ABTB2: variants seen among roughly 807,000 people sequenced by gnomAD.
The protein encoded by ABTB2 is ankyrin repeat and BTB/POZ domain-containing protein 2.
A neutral mutation model predicts 104.1 loss-of-function variants in ABTB2; 56 were observed. The ratio of observed to expected loss-of-function variants is 0.54; its 90% CI spans 0.43 to 0.67. ABTB2 has a LOEUF of 0.67. Among genes scored for constraint, ABTB2 ranks in the 30% least tolerant of loss-of-function variants. ABTB2 has a pLI of 0.00. For synonymous variants in ABTB2, 606 were observed against 608.2 expected, an observed-to-expected ratio of 1.00 and a Z score of 0.05; for missense variants, 1,279 against 1,407.7, an observed-to-expected ratio of 0.91 and a Z score of 1.46.
rs367771622 is a variant in ABTB2 at position 34,229,405 on chromosome 11, C to T, written c.884-24715G>A. On this transcript the variant is annotated intron_variant, in intron 1 of 16. Transcript: ENST00000435224. ...CTAAGGCAGGAGAATGGCGTGAACC[C>T]GGGAGGTGGAGCTTGCAGTGAGCAG... is the stretch of plus-strand genomic sequence containing the variant. Among the ~76,000 whole-genome samples, 188 of 143,934 alleles carry T rather than the reference C, an allele frequency of 1.3e-3. 2 individuals are homozygous for T. Among genetic ancestry groups the T allele is most frequent in the East Asian group, 0.011 (52 of 4,558 alleles). The allele number at this position is 143,934 out of a possible 152,430, so 94.4% of individuals were successfully genotyped here. A position where few individuals can be genotyped will look rare whatever the true frequency, so the allele number is the denominator to read the frequency against.
At chr11:34,182,957 A>G (rs1853048332) in intron 3 of ABTB2, among the ~76,000 whole-genome samples, 1 of 152,074 alleles carries the variant, frequency 6.6e-6, no homozygotes, top group African/African-American at 2.4e-5. Context: ...TGGGATATGA[A>G]CCTGGGCAGT....
chr11:34,159,546 C>T (rs754824037), intron 13 of ABTB2, among the ~76,000 whole-genome samples, 160 bp from the exon 14 acceptor site: 2 of 152,220 alleles, frequency 1.3e-5, no homozygotes, highest in Non-Finnish European at 2.9e-5. Context: ...CCATTTTACA[C>T]CATCTTAGGA....
Position 34,151,305 on chromosome 11 carries a change from AAT to A in ABTB2, c.*1080_*1081del, listed in dbSNP as rs1206707588. On this transcript the variant is annotated 3_prime_UTR_variant, in exon 17 of 17. Transcript: ENST00000435224. Reference sequence around the variant, plus strand: ...ATGCTGCCCCAGTGTCTGGTCCATAAATATGACAGGTGTCAGGGGAGCCCAGG... The same window carrying A: ...ATGCTGCCCCAGTGTCTGGTCCATAAATGACAGGTGTCAGGGGAGCCCAGG... 6.6e-6 allele frequency: 1 copy of A among 152,234 alleles called. No individual in the cohort carries two copies. The highest frequency in any genetic ancestry group is 1.5e-5 in the Non-Finnish European group (1 of 68,056). 9.4% of individuals were successfully genotyped at this position (152,234 alleles called of 1,614,324 possible).
Position 34,162,656 on chromosome 11 carries a change from C to T in ABTB2, c.2138G>A (p.Arg713His), listed in dbSNP as rs753800802. 19 of 1,613,244 alleles carry T rather than the reference C, an allele frequency of 1.2e-5. No homozygotes were observed. The highest frequency in any genetic ancestry group is 1.7e-5 in the Admixed American group (1 of 60,012). The change falls in exon 10 of 17, where the codon CGC (arginine) becomes CAC (histidine). Residue 713 changes from arginine to histidine, a missense_variant. Coordinates refer to ENST00000435224, the MANE Select transcript of ABTB2 (RefSeq NM_145804.3). ...CATGGCCTCCTGTAGGGCCTTGGTG[C>T]GGGTCCGGCTCAGCCGCACGGGCCC... is the stretch of plus-strand genomic sequence containing the variant. Reference protein sequence around the residue: ...SEGPVRLSRTRTKALQEAMYY... With the variant: ...SEGPVRLSRTHTKALQEAMYY...
intron 1 of ABTB2, among the ~76,000 whole-genome samples, chr11:34,300,948 TG>T (rs769780039): frequency 6.6e-6 from 1 of 152,190 alleles, no homozygotes; most frequent in Non-Finnish European, 1.5e-5. Context: ...GGGGCTGGTG[TG>T]GAGGGCAGAG....
intron 1 of ABTB2, among the ~76,000 whole-genome samples, chr11:34,241,106 G>A (rs566436535): frequency 5.9e-5 from 9 of 152,236 alleles, no homozygotes; most frequent in Non-Finnish European, 4.4e-5. Context: ...AGGAGGATTT[G>A]AGAGCCTGAT....
At chr11:34,152,682 T>C in intron 16 of ABTB2, 98 bp from the exon 17 acceptor site, 2 of 1,232,320 alleles carry the variant, frequency 1.6e-6, no homozygotes, top group South Asian at 2.8e-5. Flanking sequence ...ACAGCCCTGA[T>C]TAAGCCCCAC....
chr11:34,167,471 G>T, intron 6 of ABTB2, 111 bp from the exon 7 acceptor site: 1 of 894,358 alleles, frequency 1.1e-6, no homozygotes, highest in Non-Finnish European at 1.8e-6. Context: ...GATTGATAAT[G>T]TTTGCCTGGA....
At chr11:34,259,033 G>A (rs1565153135) in intron 1 of ABTB2, among the ~76,000 whole-genome samples, 2 of 152,202 alleles carry the variant, frequency 1.3e-5, no homozygotes, top group Non-Finnish European at 2.9e-5. Flanking sequence ...TGTGAGGATT[G>A]AACATTTATT....
rs149989594 is a variant in ABTB2, at chr11:34,260,877, C to T, written c.884-56187G>A. Reference sequence around the variant, plus strand: ...TCCTGTGGGGTGTATAGCTTTCTCCCATCTAAATGACACTTTCTAAGGCTG... The same window carrying T: ...TCCTGTGGGGTGTATAGCTTTCTCCTATCTAAATGACACTTTCTAAGGCTG... On this transcript the variant is annotated intron_variant, in intron 1 of 16. Coordinates refer to ENST00000435224, the MANE Select transcript of ABTB2 (RefSeq NM_145804.3). Among the ~76,000 whole-genome samples the T allele has an allele frequency of 5.9e-4, 90 of 152,244 alleles. 1 individual carries two copies. In the East Asian group the frequency reaches 0.016, roughly 26 times the overall value.
intron 1 of ABTB2, among the ~76,000 whole-genome samples, chr11:34,276,198 A>T (rs1339621596): frequency 6.6e-6 from 1 of 151,338 alleles, no homozygotes; most frequent in Non-Finnish European, 1.5e-5. Context: ...ATCCTGGTTC[A>T]CCAGTGCTGC....
chr11:34,283,181 G>C (rs1564923114), intron 1 of ABTB2, among the ~76,000 whole-genome samples: 1 of 148,014 alleles, frequency 6.8e-6, no homozygotes, highest in Non-Finnish European at 1.5e-5. Context: ...GCCTCCCAAA[G>C]TGCTGGGATT....
chr11:34,341,024 A>G (rs527423756), intron 1 of ABTB2, among the ~76,000 whole-genome samples: 10 of 152,210 alleles, frequency 6.6e-5, no homozygotes, highest in Non-Finnish European at 1.2e-4. Context: ...CCCTTCCATC[A>G]TCTTGAAATC....
chr11:34,163,069 G>A (rs1852746675), intron 9 of ABTB2, among the ~76,000 whole-genome samples: 1 of 152,194 alleles, frequency 6.6e-6, no homozygotes, highest in Non-Finnish European at 1.5e-5. Flanking sequence ...TCGGGGCTGA[G>A]CGAGCTCTGC....
chr11:34,211,682 T>C (rs1028317845), intron 1 of ABTB2, among the ~76,000 whole-genome samples: 5 of 151,824 alleles, frequency 3.3e-5, no homozygotes, highest in African/African-American at 1.2e-4. Context: ...TCACTTGAGA[T>C]CAGGCATTCG....
intron 1 of ABTB2, among the ~76,000 whole-genome samples, chr11:34,246,169 T>A (rs1853981110): frequency 6.6e-6 from 1 of 152,182 alleles, no homozygotes; most frequent in Non-Finnish European, 1.5e-5. Context: ...ACTCTTCTGC[T>A]GAACAAAAAA....
At chr11:34,266,221 T>A (rs141833615) in intron 1 of ABTB2, among the ~76,000 whole-genome samples, 24 of 152,236 alleles carry the variant, frequency 1.6e-4, no homozygotes, top group African/African-American at 5.8e-4. Context: ...TAGCTGGGAC[T>A]CCAGGCACAT....
At chr11:34,164,664 G>T (rs1275454925) in intron 9 of ABTB2, 22 bp downstream of exon 9, 4 of 1,481,214 alleles carry the variant, frequency 2.7e-6, no homozygotes, top group Non-Finnish European at 3.6e-6. Context: ...TGTCACACAG[G>T]GTGGGAATCC....
chr11:34,185,390 C>T (rs1452879522), intron 3 of ABTB2, among the ~76,000 whole-genome samples: 1 of 152,206 alleles, frequency 6.6e-6, no homozygotes, highest in Non-Finnish European at 1.5e-5. Flanking sequence ...TTTGTGCATC[C>T]ACATCACAAG....
Sources: gnomAD v4.1 joint callset for allele counts (sites outside exome capture counted in the v4.1 genomes callset) on GRCh38, gnomAD v4.1.1 for gene constraint, MANE v1.5 for transcripts, NCBI Gene and HGNC (gene_info 2026-07-23, HGNC 2026-07-21) for gene names.